The following MAP2K3 variants were observed in gnomAD, a reference collection of about 807,000 sequenced individuals.
MAP2K3 encodes the protein dual specificity mitogen-activated protein kinase kinase 3.
Under a neutral mutation model 46.4 loss-of-function variants are expected in MAP2K3, and 30 were observed. The ratio of observed to expected loss-of-function variants is 0.65; its 90% confidence interval spans 0.48 to 0.88. MAP2K3 has a LOEUF of 0.88. Ranked by LOEUF, MAP2K3 falls within the 40% of genes least tolerant of loss-of-function variation. The pLI, the probability that MAP2K3 is intolerant of heterozygous loss-of-function variation, is 0.00. For synonymous variants in MAP2K3, 189 were observed against 176.3 expected, an observed-to-expected ratio of 1.07 and a Z score of -0.57; for missense variants, 380 against 464.5, an observed-to-expected ratio of 0.82 and a Z score of 1.67.
intron 4 of MAP2K3, 39 bp downstream of exon 4, chr17:21,300,697 A>C (rs1976546185): frequency 6.3e-7 from 1 of 1,596,174 alleles, no homozygotes; most frequent in African/African-American, 1.3e-5. Context: ...GGCTCCCTGG[A>C]GGAGGCGGGC....
chr17:21,302,229 A>G lies in MAP2K3; in HGVS notation c.486A>G (p.Pro162=). The change falls in exon 6 of 12, where the codon CCA becomes CCG. Residue 162 remains proline, a synonymous_variant. Coordinates refer to ENST00000342679, the MANE Select transcript of MAP2K3 (RefSeq NM_145109.3). ...TGCTGGATAAAAACATGACAATTCC[A>G]GAGGACATCCTTGGGGAGATTGCTG... The part of the protein sequence containing the change: ...RKVLDKNMTI[P]EDILGEIAVS... The G allele has an allele frequency of 6.9e-7, 1 of 1,440,482 alleles. No individual in the cohort carries two copies. The allele number at this position is 1,440,482 out of a possible 1,614,324, so 89.2% of individuals were successfully genotyped here.
At chr17:21,310,465 G>A (rs1463960608) in intron 9 of MAP2K3, among the ~76,000 whole-genome samples, 4 of 152,218 alleles carry the variant, frequency 2.6e-5, no homozygotes, top group Non-Finnish European at 5.9e-5. Context: ...CTGGGGGAGC[G>A]ACTGATGAAA....
At chr17:21,305,623 GT>G in intron 9 of MAP2K3, among the ~76,000 whole-genome samples, 1 of 9,158 alleles carries the variant, frequency 1.1e-4, no homozygotes, top group South Asian at 2.6e-3. Flanking sequence ...TGTGGCAGAA[GT>G]CCGAAGTCCA....
chr17:21,287,879 G>A (rs1179921559), intron 1 of MAP2K3: 4 of 420,290 alleles, frequency 9.5e-6, no homozygotes, highest in African/African-American at 6.1e-5. Context: ...GTTTCATAGA[G>A]CACTGTTGTA....
chr17:21,310,809 A>G (rs1977125940), intron 9 of MAP2K3, among the ~76,000 whole-genome samples: 1 of 152,232 alleles, frequency 6.6e-6, no homozygotes, highest in Non-Finnish European at 1.5e-5. Flanking sequence ...AAAACACCAT[A>G]TGGCACATCT....
At chr17:21,296,021 C>A (rs1027198510) in intron 1 of MAP2K3, 136 of 1,280,470 alleles carry the variant, frequency 1.1e-4, no homozygotes, top group Non-Finnish European at 1.3e-4. Flanking sequence ...AAAAGCCTGA[C>A]ATCAGGAATA....
At chr17:21,311,297 C>T (rs941097732) in intron 9 of MAP2K3, among the ~76,000 whole-genome samples, 5 of 152,050 alleles carry the variant, frequency 3.3e-5, no homozygotes. Context: ...GGGGCCAGGG[C>T]TGACATAACT....
intron 1 of MAP2K3, chr17:21,295,883 C>T: frequency 7.8e-7 from 1 of 1,280,624 alleles, no homozygotes; most frequent in South Asian, 1.3e-5. Flanking sequence ...AGAGAGAGTG[C>T]AGGGAGGGTG....
intron 1 of MAP2K3, among the ~76,000 whole-genome samples, chr17:21,297,473 C>T (rs1294644361): frequency 6.6e-5 from 10 of 152,306 alleles, no homozygotes; most frequent in Admixed American, 1.3e-4. Context: ...CTCCGGGAGC[C>T]GTGTCACTCC....
chr17:21,304,969 C>G, intron 8 of MAP2K3, 82 bp from the exon 9 acceptor site: 1 of 1,509,692 alleles, frequency 6.6e-7, no homozygotes, highest in Non-Finnish European at 9.2e-7. Flanking sequence ...GCTGAGCGCT[C>G]AGTTTGGGGA....
intron 1 of MAP2K3, among the ~76,000 whole-genome samples, chr17:21,293,832 G>A (rs1211437595): frequency 3.3e-5 from 5 of 152,306 alleles, no homozygotes; most frequent in African/African-American, 1.2e-4. Flanking sequence ...GCATGGAGCA[G>A]GCACTTGGTT....
At chr17:21,293,059 A>G (rs1432192179) in intron 1 of MAP2K3, among the ~76,000 whole-genome samples, 1 of 152,310 alleles carries the variant, frequency 6.6e-6, no homozygotes, top group Non-Finnish European at 1.5e-5. Context: ...ACACCCCAGG[A>G]CACCCCAGCA....
At chr17:21,302,096 A>C (rs777531852) in intron 5 of MAP2K3, 47 bp from the exon 6 acceptor site, 1 of 1,597,858 alleles carries the variant, frequency 6.3e-7, no homozygotes, top group East Asian at 2.2e-5. Context: ...GGTGGTGCAG[A>C]CACGGGCAGC....
rs373839822 is a variant in MAP2K3 at position 21,301,797 on chromosome 17, G to A, written c.400-346G>A. ...GTCAGCTGGCATGAGGGTGTCTGTC[G>A]GTCAGCAGGGCCGGCTGTTGCCATG... On this transcript the variant is annotated intron_variant, in intron 5 of 11. Transcript: ENST00000342679. 8.3e-4 allele frequency among the ~76,000 whole-genome samples: 126 copies of A among 152,368 alleles called. No individual in the cohort carries two copies. The South Asian group carries it at 8.7e-3, about 11-fold the overall frequency.
intron 1 of MAP2K3, among the ~76,000 whole-genome samples, chr17:21,287,500 C>T (rs1975754053): frequency 6.6e-6 from 1 of 152,200 alleles, no homozygotes; most frequent in Non-Finnish European, 1.5e-5. Flanking sequence ...GGAGCTTTAC[C>T]TTTGAGCTTC....
At position 21,314,168 on chromosome 17, in the gene MAP2K3, C is replaced by T. The variant is rs1359324940; in HGVS notation, c.982C>T (p.His328Tyr). 23 of 1,614,020 alleles carry T rather than the reference C, an allele frequency of 1.4e-5. No homozygotes were observed. Among genetic ancestry groups the T allele is most frequent in the Non-Finnish European group, 1.9e-5 (22 of 1,179,938 alleles). Residue 328 changes from histidine (H) to tyrosine (Y), a missense_variant, in exon 12 of 12, where the codon CAC (histidine) becomes TAC (tyrosine). Coordinates refer to ENST00000342679, the MANE Select transcript of MAP2K3 (RefSeq NM_145109.3). ...CCAGGAGCACCCCTTCTTCACCTTGCACAAAACCAAGAAGACGGACATTGC... is the reference window on the plus strand; with the variant it reads ...CCAGGAGCACCCCTTCTTCACCTTGTACAAAACCAAGAAGACGGACATTGC... ...ELMEHPFFTLHKTKKTDIAAF... is the reference protein window; with the variant it reads ...ELMEHPFFTLYKTKKTDIAAF...
At chr17:21,301,338 C>A (rs1278034104) in intron 5 of MAP2K3, among the ~76,000 whole-genome samples, 1 of 152,306 alleles carries the variant, frequency 6.6e-6, no homozygotes, top group Non-Finnish European at 1.5e-5. Context: ...GGTGCCCAAG[C>A]AGGCAACGGC....
intron 1 of MAP2K3, among the ~76,000 whole-genome samples, chr17:21,290,767 T>C (rs1332753263): frequency 6.6e-6 from 1 of 151,748 alleles, no homozygotes; most frequent in Non-Finnish European, 1.5e-5. Context: ...CTGGGCAACA[T>C]AGGGAGAGCT....
chr17:21,295,962 T>A, intron 1 of MAP2K3: 3 of 1,255,450 alleles, frequency 2.4e-6, no homozygotes, highest in South Asian at 2.5e-5. Flanking sequence ...CCAGGGTCTC[T>A]GTGCAGAGCT....
Sources: allele counts gnomAD v4.1 joint callset (sites outside exome capture counted in the v4.1 genomes callset), GRCh38; gene constraint gnomAD v4.1.1; transcripts MANE v1.5; gene names NCBI Gene and HGNC (gene_info 2026-07-23, HGNC 2026-07-21).